The following CRB1 variants were observed in gnomAD, a reference collection of about 807,000 sequenced individuals.
The protein encoded by CRB1 is protein crumbs homolog 1.
Under a neutral mutation model 120.0 loss-of-function variants are expected in CRB1, and 83 were observed. That is an observed-to-expected ratio of 0.69 (90% CI 0.58 to 0.83). The LOEUF is 0.83. CRB1 is among the 40% of genes least tolerant of loss of function. The pLI is 0.00. For missense variants in CRB1, 1,699 were observed against 1,687.6 expected (o/e 1.01, Z -0.12); for synonymous variants, 625 against 612.5 (o/e 1.02, Z -0.30).
At chr1:197,472,766 G>A (rs1172823793) in intron 11 of CRB1, among the ~76,000 whole-genome samples, 1 of 152,178 alleles carries the variant, frequency 6.6e-6, no homozygotes, top group East Asian at 1.9e-4. Context: ...CATCAGCACA[G>A]TGAGAGTGAT....
chr1:197,204,652 T>A, the CRB1 span, among the ~76,000 whole-genome samples: 1 of 152,216 alleles, frequency 6.6e-6, no homozygotes, highest in East Asian at 1.9e-4. Flanking sequence ...TTGTTTGAGT[T>A]CCTTGTAGAT....
At chr1:197,227,064 A>G in the CRB1 span, among the ~76,000 whole-genome samples, 14 of 152,174 alleles carry the variant, frequency 9.2e-5, no homozygotes, top group Non-Finnish European at 1.6e-4. Flanking sequence ...GAGCCAAACC[A>G]TATCATTCCA....
chr1:197,475,099 A>G (rs12062841), intron 11 of CRB1, among the ~76,000 whole-genome samples: 11,046 of 152,272 alleles, frequency 0.073, 498 homozygotes, highest in Non-Finnish European at 0.096. Context: ...GAAATTCTAT[A>G]TGCTTTACTT....
intron 1 of CRB1, among the ~76,000 whole-genome samples, chr1:197,282,975 A>G (rs867244277): frequency 1.1e-4 from 17 of 151,980 alleles, no homozygotes; most frequent in Middle Eastern, 3.4e-3. Flanking sequence ...AAAGCTAGTG[A>G]AGGTACATTT....
intron 5 of CRB1, among the ~76,000 whole-genome samples, chr1:197,358,619 T>G (rs1474507930): frequency 6.6e-6 from 1 of 152,218 alleles, no homozygotes; most frequent in Non-Finnish European, 1.5e-5. Context: ...GTCCTACAAA[T>G]GGCAATTCAG....
At chr1:197,362,250 G>A (rs185689507) in intron 5 of CRB1, among the ~76,000 whole-genome samples, 1 of 151,970 alleles carries the variant, frequency 6.6e-6, no homozygotes, top group East Asian at 1.9e-4. Context: ...ATTTGTTGGG[G>A]TTTGTTTTTT....
At chr1:197,222,673 A>T in the CRB1 span, 1 of 785,372 alleles carries the variant, frequency 1.3e-6, no homozygotes, top group Non-Finnish European at 2.4e-6. Context: ...GGACAGCTCC[A>T]TAATTACTTG....
At chr1:197,349,736 T>C (rs1441810203) in intron 4 of CRB1, among the ~76,000 whole-genome samples, 1 of 152,192 alleles carries the variant, frequency 6.6e-6, no homozygotes, top group East Asian at 1.9e-4. Flanking sequence ...AATCTATATA[T>C]GTTATGTCTT....
intron 5 of CRB1, among the ~76,000 whole-genome samples, chr1:197,418,252 T>C (rs1664106724): frequency 6.6e-6 from 1 of 152,204 alleles, no homozygotes; most frequent in African/African-American, 2.4e-5. Flanking sequence ...AAGTTTCAAC[T>C]TTTCATATTC....
At chr1:197,217,627 A>C in the CRB1 span, among the ~76,000 whole-genome samples, 1 of 152,156 alleles carries the variant, frequency 6.6e-6, no homozygotes, top group Non-Finnish European at 1.5e-5. Context: ...AAATTTATAG[A>C]GTTGGAAAGT....
At chr1:197,346,164 G>C (rs1659760859) in intron 3 of CRB1, among the ~76,000 whole-genome samples, 1 of 151,852 alleles carries the variant, frequency 6.6e-6, no homozygotes, top group South Asian at 2.1e-4. Context: ...TTTCCCTATT[G>C]TACCATTATC....
At chr1:197,223,230 C>A in the CRB1 span, 82 of 1,148,878 alleles carry the variant, frequency 7.1e-5, no homozygotes, top group Admixed American at 1.4e-3. Flanking sequence ...TATAGGATTA[C>A]AAACCAGAAG....
In CRB1 at chr1:197,421,032, TC is replaced by T; in HGVS notation, c.1205del (p.Ser402PhefsTer50). ...CTGCGAAGAAGACGTCAATGAATGT[TC>T]TTCAAACCCTTGCCAAAATGGTGGT... ...IHCEEDVNEC[S>X]SNPCQNGGTC... On this transcript the variant is annotated frameshift_variant, in exon 6 of 12. Transcript: ENST00000367400. LOFTEE classifies it high-confidence loss of function. The T allele has an allele frequency of 6.2e-7, 1 of 1,613,668 alleles. No homozygotes were observed. The highest frequency in any genetic ancestry group is 1.1e-5 in the South Asian group (1 of 91,066).
intron 5 of CRB1, among the ~76,000 whole-genome samples, chr1:197,371,501 A>G (rs1661369146): frequency 6.6e-6 from 1 of 152,160 alleles, no homozygotes; most frequent in Admixed American, 6.5e-5. Context: ...CATCAAGTCT[A>G]ATTTCATCAG....
At chr1:197,407,056 T>C (rs1435051805) in intron 5 of CRB1, among the ~76,000 whole-genome samples, 1 of 152,216 alleles carries the variant, frequency 6.6e-6, no homozygotes, top group East Asian at 1.9e-4. Context: ...TGCCAATTAA[T>C]ATATGTAAAC....
intron 11 of CRB1, among the ~76,000 whole-genome samples, chr1:197,460,226 AATAGAC>A: frequency 6.6e-6 from 1 of 152,106 alleles, no homozygotes; most frequent in South Asian, 2.1e-4. Context: ...TCTCTGGGGC[AATAGAC>A]TGATGTTATT....
rs564748426 is a variant in CRB1, at chr1:197,357,152, G to A, written c.1171+139G>A. 4 of 812,112 alleles carry A rather than the reference G, an allele frequency of 4.9e-6. No individual in the cohort carries two copies. The Admixed American group carries it at 5.9e-5, about 12-fold the overall frequency. 50.3% of individuals were successfully genotyped at this position (812,112 alleles called of 1,614,324 possible). A position where few individuals can be genotyped will look rare whatever the true frequency, so the allele number is the denominator to read the frequency against. ...GTGGTGCAAAGGGTCCCCCTTGTGGGCATGAAAAGTATCTTGTTTCACATT... is the reference window on the plus strand; with the variant it reads ...GTGGTGCAAAGGGTCCCCCTTGTGGACATGAAAAGTATCTTGTTTCACATT... On this transcript the variant is annotated intron_variant, in intron 5 of 11. Transcript: ENST00000367400.
In CRB1 at chr1:197,435,401, G is replaced by A. The variant is rs149216103; in HGVS notation, c.3538G>A (p.Glu1180Lys). ...SGKHCELNID[E>K]CFSNPCIHGN... The stretch of plus-strand genomic sequence containing the variant: ...GAAACACTGTGAACTCAACATCGAT[G>A]AATGCTTTTCAAACCCCTGTATCCA... Residue 1180 changes from glutamate (E) to lysine (K), a missense_variant, in exon 9 of 12, where the codon GAA becomes AAA. Glu to Lys is a moderately conservative substitution (Grantham distance 56). Transcript: ENST00000367400. 20 of 1,606,238 alleles carry A rather than the reference G, an allele frequency of 1.2e-5. No individual in the cohort carries two copies. Among genetic ancestry groups the A allele is most frequent in the Non-Finnish European group, 1.5e-5 (18 of 1,175,656 alleles).
chr1:197,389,845 A>AGCG (rs1662405786), intron 5 of CRB1, among the ~76,000 whole-genome samples: 1 of 152,002 alleles, frequency 6.6e-6, no homozygotes, highest in African/African-American at 2.4e-5. Flanking sequence ...GCAGTTTCTA[A>AGCG]AGTCTTGAAA....
Sources: gnomAD v4.1 joint callset for allele counts (sites outside exome capture counted in the v4.1 genomes callset) on GRCh38, gnomAD v4.1.1 for gene constraint, MANE v1.5 for transcripts, NCBI Gene and HGNC (gene_info 2026-07-23, HGNC 2026-07-21) for gene names.